Variants in DNAH6 observed in about 807,000 individuals in gnomAD.
The protein encoded by DNAH6 is axonemal beta dynein heavy chain 6.
DNAH6 carries 340 observed loss-of-function variants against 491.4 expected under a neutral mutation model. The ratio of observed to expected loss-of-function variants is 0.69; its 90% CI spans 0.63 to 0.76. The LOEUF is 0.76. DNAH6 is among the 30% of genes least tolerant of loss of function. The pLI, the probability that DNAH6 is intolerant of heterozygous loss-of-function variation, is 0.00. For missense variants in DNAH6, 4,443 were observed against 4,972.2 expected (o/e 0.89, Z 3.20); for synonymous variants, 1,603 against 1,686.1 (o/e 0.95, Z 1.21).
At position 84,621,472 on chromosome 2, in the gene DNAH6, G is replaced by A. The variant is rs61733547; in HGVS notation, c.3992G>A (p.Arg1331His). 74,477 of 1,538,592 alleles carry A rather than the reference G, an allele frequency of 0.048. 2,120 individuals carry two copies. The highest frequency in any genetic ancestry group is 0.076 in the Middle Eastern group (436 of 5,768). ...ACTGTTTCTCAAATTATGTGGTGCCGTGATTTGACTGAATGTCTGGAAACA... is the reference window on the plus strand; with the variant it reads ...ACTGTTTCTCAAATTATGTGGTGCCATGATTTGACTGAATGTCTGGAAACA... ...ILTVSQIMWC[R>H]DLTECLETEH... The change falls in exon 26 of 77, where the codon CGT (arginine) becomes CAT (histidine). Residue 1331 changes from arginine (R) to histidine (H), a missense_variant. Physicochemically the swap from Arg to His is conservative, Grantham distance 29. Transcript: ENST00000389394.
the DNAH6 span, among the ~76,000 whole-genome samples, chr2:84,482,247 A>C: frequency 1.4e-5 from 2 of 146,874 alleles, no homozygotes; most frequent in Non-Finnish European, 2.9e-5. Context: ...TATAAAATAG[A>C]AAGAACAACA....
At chr2:84,631,971 G>T (rs562225078) in intron 29 of DNAH6, among the ~76,000 whole-genome samples, 1 of 152,238 alleles carries the variant, frequency 6.6e-6, no homozygotes, top group African/African-American at 2.4e-5. Flanking sequence ...AGAAACCTTG[G>T]TTCCCCACAG....
intron 4 of DNAH6, among the ~76,000 whole-genome samples, chr2:84,540,642 A>T (rs1388698036): frequency 6.6e-6 from 1 of 152,166 alleles, no homozygotes; most frequent in Non-Finnish European, 1.5e-5. Context: ...TAATAGGACA[A>T]TGATTGACCT....
At chr2:84,603,476 G>T (rs1033117293) in intron 18 of DNAH6, among the ~76,000 whole-genome samples, 3 of 152,008 alleles carry the variant, frequency 2.0e-5, no homozygotes, top group African/African-American at 7.3e-5. Flanking sequence ...TCTGTCACCC[G>T]CAGCTTTCCA....
chr2:84,671,890 A>G (rs1692773193), intron 39 of DNAH6, among the ~76,000 whole-genome samples: 1 of 152,192 alleles, frequency 6.6e-6, no homozygotes, highest in Non-Finnish European at 1.5e-5. Context: ...GCTTTTGAAT[A>G]TCTAATCTGG....
intron 63 of DNAH6, among the ~76,000 whole-genome samples, chr2:84,752,587 A>G (rs1217864750): frequency 6.6e-6 from 1 of 151,846 alleles, no homozygotes; most frequent in Admixed American, 6.6e-5. Flanking sequence ...CCCCGAAAAA[A>G]CGCCATACCC....
intron 40 of DNAH6, among the ~76,000 whole-genome samples, chr2:84,673,706 A>T (rs1184120962): frequency 6.6e-6 from 1 of 152,190 alleles, no homozygotes; most frequent in East Asian, 1.9e-4. Context: ...TGGGAGAAAG[A>T]TGTAGGCTGG....
chr2:84,547,165 G>C, intron 5 of DNAH6, 103 bp from the exon 6 acceptor site: 1 of 954,512 alleles, frequency 1.0e-6, no homozygotes. Context: ...TTAACACACA[G>C]AGGTGTTTAT....
At chr2:84,548,449 T>C in intron 8 of DNAH6, 32 bp downstream of exon 8, 1 of 1,612,452 alleles carries the variant, frequency 6.2e-7, no homozygotes, top group Non-Finnish European at 8.5e-7. Context: ...AGAAAAATTG[T>C]AGTACCCATC....
chr2:84,788,116 C>T (rs1019964156), intron 68 of DNAH6, among the ~76,000 whole-genome samples: 1 of 152,072 alleles, frequency 6.6e-6, no homozygotes, highest in African/African-American at 2.4e-5. Context: ...AGATTAGGAC[C>T]AGTCCCCAGA....
intron 20 of DNAH6, 104 bp downstream of exon 20, chr2:84,605,696 C>T (rs1050393293): frequency 3.0e-6 from 2 of 674,998 alleles, no homozygotes; most frequent in Admixed American, 3.3e-5. Flanking sequence ...ATGAGAGTCA[C>T]TTAATAAGAA....
At chr2:84,797,124 T>C (rs562989809) in intron 69 of DNAH6, among the ~76,000 whole-genome samples, 17 of 152,322 alleles carry the variant, frequency 1.1e-4, no homozygotes, top group African/African-American at 4.1e-4. Context: ...TCAATGTAGC[T>C]TTTAGTTTGG....
intron 64 of DNAH6, chr2:84,777,450 A>C (rs1573778955): frequency 4.9e-6 from 3 of 611,390 alleles, no homozygotes; most frequent in African/African-American, 3.7e-5. Context: ...ATTAGGTGCA[A>C]CCGCCTAAGA....
chr2:84,715,662 G>C, intron 58 of DNAH6, 35 bp downstream of exon 58: 4 of 1,503,394 alleles, frequency 2.7e-6, no homozygotes, highest in Non-Finnish European at 3.6e-6. Context: ...AGGGAAGGGG[G>C]TATTGTGGGT....
chr2:84,587,090 A>G (rs1203286537), intron 15 of DNAH6, among the ~76,000 whole-genome samples: 3 of 151,686 alleles, frequency 2.0e-5, no homozygotes, highest in African/African-American at 7.3e-5. Flanking sequence ...ATTTTTTCTG[A>G]TCCTCTCCCT....
At chr2:84,495,275 G>C in the DNAH6 span, among the ~76,000 whole-genome samples, 1 of 152,172 alleles carries the variant, frequency 6.6e-6, no homozygotes, top group African/African-American at 2.4e-5. Flanking sequence ...CGATTCTCCT[G>C]CCTCAGCCTC....
At chr2:84,666,912 C>G (rs1056292943) in intron 37 of DNAH6, among the ~76,000 whole-genome samples, 3 of 152,052 alleles carry the variant, frequency 2.0e-5, no homozygotes, top group African/African-American at 7.2e-5. Context: ...TATAGACCAA[C>G]GGAACCGAAC....
At position 84,588,897 on chromosome 2, in the gene DNAH6, T is replaced by C. The variant is rs1307597649; in HGVS notation, c.2553T>C (p.Val851=). ...TCATATTGAATAATCTGCAATCTGT[T>C]CTGGCTGATCTTCAGAAACGTGCAT... ...IRLILNNLQS[V]LADLQKRAFQ... The change falls in exon 16 of 77, where the codon GTT becomes GTC. Residue 851 remains valine (V), a synonymous_variant. Coordinates refer to ENST00000389394, the MANE Select transcript of DNAH6 (RefSeq NM_001370.2). 2 of 1,550,876 alleles carry C rather than the reference T, an allele frequency of 1.3e-6. No individual in the cohort carries two copies. Among genetic ancestry groups the C allele is most frequent in the Admixed American group, 3.9e-5 (2 of 50,910 alleles).
At chr2:84,626,748 C>T (rs1196445824) in intron 29 of DNAH6, among the ~76,000 whole-genome samples, 4 of 152,116 alleles carry the variant, frequency 2.6e-5, no homozygotes, top group African/African-American at 9.7e-5. Flanking sequence ...ATTACAGGTG[C>T]CCACCACCAC....
Sources: allele counts gnomAD v4.1 joint callset (sites outside exome capture counted in the v4.1 genomes callset), GRCh38; gene constraint gnomAD v4.1.1; transcripts MANE v1.5; gene names NCBI Gene and HGNC (gene_info 2026-07-23, HGNC 2026-07-21).